Variants in CTNNA2 observed in about 807,000 individuals in gnomAD.
The protein encoded by CTNNA2 is catenin alpha-2.
In CTNNA2, 42 loss-of-function variants were observed where a neutral mutation model predicts 101.0. The ratio of observed to expected loss-of-function variants is 0.42; its 90% CI spans 0.32 to 0.54. The LOEUF (loss-of-function observed/expected upper bound fraction) is 0.54, where lower values mean the gene tolerates loss of function less well. Among genes scored for constraint, CTNNA2 ranks in the 20% least tolerant of loss-of-function variants. The pLI, the probability that CTNNA2 is intolerant of heterozygous loss-of-function variation, is 0.14. For missense variants in CTNNA2, 871 were observed against 1,223.1 expected, an observed-to-expected ratio of 0.71 and a Z score of 4.29; for synonymous variants, 450 against 456.4, an observed-to-expected ratio of 0.99 and a Z score of 0.18.
chr2:79,749,979 A>G (rs1671906640), intron 3 of CTNNA2, among the ~76,000 whole-genome samples: 1 of 152,182 alleles, frequency 6.6e-6, no homozygotes, highest in Non-Finnish European at 1.5e-5. Flanking sequence ...ATCAGCATCT[A>G]ATAGTCTTCA....
At chr2:79,432,930 A>G (rs1247634128) in intron 4 of CTNNA2, among the ~76,000 whole-genome samples, 3 of 152,222 alleles carry the variant, frequency 2.0e-5, no homozygotes, top group African/African-American at 7.2e-5. Flanking sequence ...TAATTTGTCT[A>G]TGGCAAACAA....
chr2:79,830,854 T>A (rs1357001805), intron 3 of CTNNA2, among the ~76,000 whole-genome samples: 1 of 152,136 alleles, frequency 6.6e-6, no homozygotes, highest in Non-Finnish European at 1.5e-5. Context: ...ACCCTGTGAG[T>A]CTCCAAAGAT....
rs567614427 is a variant in CTNNA2 at position 79,869,306 on chromosome 2, G to A, written c.466-510G>A. ...TCAATATTTCCTCTTTCCATTGGAT[G>A]GAGAGGTATAAACTCAGCCTAAAAT... On this transcript the variant is annotated intron_variant, in intron 4 of 18. Coordinates refer to ENST00000402739, the MANE Select transcript of CTNNA2 (RefSeq NM_001282597.3). Among the ~76,000 whole-genome samples the A allele has an allele frequency of 2.8e-4, 42 of 152,290 alleles. No individual in the cohort carries two copies. In the South Asian group the frequency reaches 6.8e-3, roughly 25 times the overall value.
At chr2:80,150,129 C>T (rs945163945) in intron 7 of CTNNA2, among the ~76,000 whole-genome samples, 12 of 152,136 alleles carry the variant, frequency 7.9e-5, no homozygotes, top group African/African-American at 1.9e-4. Flanking sequence ...GAGATGGTCA[C>T]GCCTGCATTA....
Position 80,537,889 on chromosome 2 carries a change from G to A in CTNNA2, c.1291-7093G>A, listed in dbSNP as rs565728139. Among the ~76,000 whole-genome samples, 62 of 152,034 alleles carry A rather than the reference G, an allele frequency of 4.1e-4. No individual in the cohort carries two copies. In the South Asian group the frequency reaches 0.011, roughly 26 times the overall value. ...ATTACAAGCATGAGCCACCACACCC[G>A]CCCTGTTTCCTGACTTTTTAATGAT... On this transcript the variant is annotated intron_variant, in intron 9 of 18. Transcript: ENST00000402739.
intron 2 of CTNNA2, among the ~76,000 whole-genome samples, chr2:79,230,053 G>C (rs900429630): frequency 6.6e-6 from 1 of 152,176 alleles, no homozygotes; most frequent in Admixed American, 6.5e-5. Context: ...ATAAAAGTTT[G>C]GAAAATTTGC....
intron 7 of CTNNA2, among the ~76,000 whole-genome samples, chr2:80,246,901 C>T (rs1023987971): frequency 3.9e-5 from 6 of 152,140 alleles, no homozygotes; most frequent in Non-Finnish European, 5.9e-5. Flanking sequence ...AGAATCAAGG[C>T]CTATGGTACC....
chr2:80,564,814 G>A (rs3770317), intron 12 of CTNNA2, among the ~76,000 whole-genome samples: 5 of 152,022 alleles, frequency 3.3e-5, no homozygotes, highest in African/African-American at 1.2e-4. Context: ...GCAGCAAATA[G>A]GGAGCAGATT....
chr2:79,780,772 A>G (rs956447077), intron 3 of CTNNA2, among the ~76,000 whole-genome samples: 2 of 152,210 alleles, frequency 1.3e-5, no homozygotes, highest in African/African-American at 2.4e-5. Context: ...GTGTCTTTCT[A>G]CTTCATAAAA....
chr2:79,349,965 T>G (rs965762125), intron 3 of CTNNA2, among the ~76,000 whole-genome samples: 1 of 150,202 alleles, frequency 6.7e-6, no homozygotes, highest in African/African-American at 2.5e-5. Context: ...TCCTAGCTAC[T>G]CAGGAGGCTG....
chr2:79,711,283 T>C (rs1573755419), intron 2 of CTNNA2, among the ~76,000 whole-genome samples: 1 of 152,324 alleles, frequency 6.6e-6, no homozygotes, highest in Non-Finnish European at 1.5e-5. Context: ...TTGTTGACAC[T>C]GCATTTTGCT....
chr2:80,003,006 C>G (rs1237934046), intron 7 of CTNNA2, among the ~76,000 whole-genome samples: 1 of 152,108 alleles, frequency 6.6e-6, no homozygotes, highest in Non-Finnish European at 1.5e-5. Context: ...GTAAGACATT[C>G]CCTACCCACT....
intron 1 of CTNNA2, among the ~76,000 whole-genome samples, chr2:79,536,335 T>C (rs929062599): frequency 6.6e-6 from 1 of 152,114 alleles, no homozygotes; most frequent in Non-Finnish European, 1.5e-5. Flanking sequence ...ACCATCCAGA[T>C]TGGTAGGAAA....
chr2:80,052,817 T>C (rs1369441054), intron 7 of CTNNA2, among the ~76,000 whole-genome samples: 1 of 152,178 alleles, frequency 6.6e-6, no homozygotes, highest in African/African-American at 2.4e-5. Context: ...CAAACGTCCT[T>C]TCATAAGAAT....
intron 2 of CTNNA2, among the ~76,000 whole-genome samples, chr2:79,690,820 A>G (rs557723539): frequency 6.6e-6 from 1 of 152,110 alleles, no homozygotes; most frequent in African/African-American, 2.4e-5. Context: ...GAATTTATAC[A>G]GTAGGTTGTG....
intron 7 of CTNNA2, among the ~76,000 whole-genome samples, chr2:79,950,469 G>C (rs1688803406): frequency 6.6e-6 from 1 of 152,222 alleles, no homozygotes; most frequent in African/African-American, 2.4e-5. Flanking sequence ...AATGGGTTCA[G>C]AGGCTTCGCT....
chr2:80,382,191 A>G (rs2149350512), intron 7 of CTNNA2, among the ~76,000 whole-genome samples: 1 of 152,324 alleles, frequency 6.6e-6, no homozygotes, highest in African/African-American at 2.4e-5. Flanking sequence ...AAGTAGCTAG[A>G]ATACTATTTC....
At chr2:79,885,003 T>A (rs947855483) in intron 6 of CTNNA2, among the ~76,000 whole-genome samples, 2 of 152,134 alleles carry the variant, frequency 1.3e-5, no homozygotes, top group African/African-American at 4.8e-5. Context: ...GTTGTAGGCT[T>A]CTCTGGGTGC....
At chr2:80,065,044 T>A (rs996052626) in intron 7 of CTNNA2, among the ~76,000 whole-genome samples, 2 of 152,198 alleles carry the variant, frequency 1.3e-5, no homozygotes, top group Non-Finnish European at 2.9e-5. Context: ...GTAAAAACCC[T>A]TTTGCTGACT....
Sources: allele counts gnomAD v4.1 joint callset (sites outside exome capture counted in the v4.1 genomes callset), GRCh38; gene constraint gnomAD v4.1.1; transcripts MANE v1.5; gene names NCBI Gene and HGNC (gene_info 2026-07-23, HGNC 2026-07-21).